Variants in DLGAP2 observed in about 807,000 individuals in gnomAD.
DLGAP2 encodes the protein disks large-associated protein 2.
Under a neutral mutation model 100.3 loss-of-function variants are expected in DLGAP2, and 26 were observed. The observed-to-expected ratio is 0.26, with a 90% CI of 0.19 to 0.36. The LOEUF is 0.36. Among genes scored for constraint, DLGAP2 ranks in the 10% least tolerant of loss-of-function variants. The probability of loss-of-function intolerance (pLI) is 1.00; values close to 1 mark genes in which losing one functional copy is unlikely to be tolerated. For synonymous variants in DLGAP2, 886 were observed against 630.1 expected (o/e 1.41, Z -6.08); for missense variants, 1,858 against 1,453.2 (o/e 1.28, Z -4.53).
intron 12 of DLGAP2, 73 bp from the exon 13 acceptor site, chr8:1,691,462 A>C: frequency 7.8e-7 from 1 of 1,284,250 alleles, no homozygotes; most frequent in Non-Finnish European, 1.1e-6. Flanking sequence ...CCTTGGTGTG[A>C]TGTTTCTGCT....
chr8:1,495,035 C>T (rs1158524024), intron 3 of DLGAP2, among the ~76,000 whole-genome samples: 1 of 152,200 alleles, frequency 6.6e-6, no homozygotes, highest in African/African-American at 2.4e-5. Context: ...CATTTTTCTT[C>T]ATCAATTCTC....
chr8:828,951 A>G (rs1276732824), intron 1 of DLGAP2, among the ~76,000 whole-genome samples: 1 of 152,090 alleles, frequency 6.6e-6, no homozygotes, highest in Admixed American at 6.5e-5. Flanking sequence ...AAAACATATT[A>G]TTTTTTATTT....
At chr8:1,591,321 A>G (rs1214856032) in intron 6 of DLGAP2, among the ~76,000 whole-genome samples, 1 of 152,124 alleles carries the variant, frequency 6.6e-6, no homozygotes, top group Non-Finnish European at 1.5e-5. Context: ...CGCTGGCTCC[A>G]TGTGGGCCAG....
At chr8:1,604,058 A>G (rs1796716909) in intron 6 of DLGAP2, among the ~76,000 whole-genome samples, 1 of 152,278 alleles carries the variant, frequency 6.6e-6, no homozygotes, top group Middle Eastern at 3.4e-3. Context: ...CACAGCTGGG[A>G]CAGAACACAT....
chr8:1,697,954 G>A (rs1420458163), intron 14 of DLGAP2, among the ~76,000 whole-genome samples: 5 of 152,198 alleles, frequency 3.3e-5, no homozygotes, highest in Admixed American at 6.5e-5. Flanking sequence ...TTCCTCACAC[G>A]TTTTAAAGAC....
intron 2 of DLGAP2, among the ~76,000 whole-genome samples, chr8:1,231,484 A>G (rs867405901): frequency 3.3e-5 from 5 of 152,204 alleles, no homozygotes; most frequent in Admixed American, 2.0e-4. Flanking sequence ...ATTACTGGCT[A>G]TGTATCCAAA....
At chr8:1,027,560 G>A (rs1303555413) in intron 2 of DLGAP2, among the ~76,000 whole-genome samples, 1 of 149,078 alleles carries the variant, frequency 6.7e-6, no homozygotes, top group African/African-American at 2.5e-5. Context: ...CAGGTGGGGT[G>A]CCAAGCGCCC....
intron 3 of DLGAP2, among the ~76,000 whole-genome samples, chr8:1,363,607 C>T (rs1181849881): frequency 6.6e-6 from 1 of 152,216 alleles, no homozygotes; most frequent in Non-Finnish European, 1.5e-5. Context: ...TGTCAGGCGA[C>T]ATTGGGATCT....
intron 3 of DLGAP2, among the ~76,000 whole-genome samples, chr8:1,313,403 C>T (rs991283023): frequency 7.2e-5 from 11 of 152,254 alleles, no homozygotes; most frequent in African/African-American, 2.2e-4. Context: ...GAGAACCCTC[C>T]GGTTGTCTGC....
At chr8:1,124,358 C>G (rs985381406) in intron 2 of DLGAP2, among the ~76,000 whole-genome samples, 1 of 152,152 alleles carries the variant, frequency 6.6e-6, no homozygotes, top group African/African-American at 2.4e-5. Context: ...AGACTCCTCT[C>G]TCAGGGACCT....
At chr8:1,590,062 A>C (rs1343523678) in intron 6 of DLGAP2, among the ~76,000 whole-genome samples, 3 of 152,172 alleles carry the variant, frequency 2.0e-5, no homozygotes, top group Admixed American at 6.5e-5. Context: ...CTTCCGCCTC[A>C]GTGTCCGTGG....
chr8:1,256,251 G>A (rs1426646219), intron 2 of DLGAP2, among the ~76,000 whole-genome samples: 1 of 134,764 alleles, frequency 7.4e-6, no homozygotes, highest in Admixed American at 7.7e-5. Context: ...TGCTGTGTGT[G>A]TGTCCTCTCC....
chr8:1,294,883 C>CAA (rs1800135669), intron 3 of DLGAP2, among the ~76,000 whole-genome samples: 9 of 139,254 alleles, frequency 6.5e-5, no homozygotes, highest in Non-Finnish European at 4.8e-5. Flanking sequence ...CAAAAAAAAA[C>CAA]AAAACTTTTT....
chr8:854,570 A>G (rs1168759822), intron 1 of DLGAP2, among the ~76,000 whole-genome samples: 3 of 150,624 alleles, frequency 2.0e-5, no homozygotes, highest in Non-Finnish European at 4.4e-5. Context: ...ATGTGTCTGC[A>G]TATGTTTGTG....
At chr8:859,786 G>C (rs1029966895) in intron 1 of DLGAP2, among the ~76,000 whole-genome samples, 3 of 152,158 alleles carry the variant, frequency 2.0e-5, no homozygotes, top group Middle Eastern at 3.2e-3. Flanking sequence ...GGAGTGAAGG[G>C]GTTAACTGGC....
intron 2 of DLGAP2, among the ~76,000 whole-genome samples, chr8:977,702 A>G (rs1281808655): frequency 1.4e-5 from 2 of 145,438 alleles, no homozygotes; most frequent in Non-Finnish European, 1.5e-5. Flanking sequence ...AAGAGAGTTC[A>G]TAGAATTTTA....
chr8:1,388,052 C>G lies in DLGAP2; in HGVS notation c.107-113314C>G, dbSNP rs114774346. Among the ~76,000 whole-genome samples, 1,207 of 152,356 alleles carry G rather than the reference C, an allele frequency of 7.9e-3. 18 individuals carry two copies. The highest frequency in any genetic ancestry group is 0.028 in the African/African-American group (1,169 of 41,580). ...CGTGGATGCAGCCAGTGCGTGCGGG[C>G]TGGGGCTAGTGTCAGCGTCTCACAG... On this transcript the variant is annotated intron_variant, in intron 3 of 14. Coordinates refer to ENST00000637795, the MANE Select transcript of DLGAP2 (RefSeq NM_001346810.2).
At chr8:1,050,001 C>A (rs902301177) in intron 2 of DLGAP2, among the ~76,000 whole-genome samples, 1 of 152,184 alleles carries the variant, frequency 6.6e-6, no homozygotes, top group Non-Finnish European at 1.5e-5. Context: ...CACAGGCAGG[C>A]ACATGCATAT....
At chr8:1,591,205 C>T (rs1197178558) in intron 6 of DLGAP2, among the ~76,000 whole-genome samples, 1 of 152,188 alleles carries the variant, frequency 6.6e-6, no homozygotes. Flanking sequence ...AAGTTCTGTT[C>T]TTCCCTTCCC....
Sources: allele counts gnomAD v4.1 joint callset (sites outside exome capture counted in the v4.1 genomes callset), GRCh38; gene constraint gnomAD v4.1.1; transcripts MANE v1.5; gene names NCBI Gene and HGNC (gene_info 2026-07-23, HGNC 2026-07-21).